The following FGD3 variants were observed in gnomAD, a reference collection of about 807,000 sequenced individuals.
The protein encoded by FGD3 is FYVE, RhoGEF and PH domain-containing protein 3.
FGD3 carries 45 observed loss-of-function variants against 71.8 expected under a neutral mutation model. The observed-to-expected ratio is 0.63, with a 90% CI of 0.49 to 0.80. The LOEUF is 0.80. Among genes scored for constraint, FGD3 ranks in the 30% least tolerant of loss-of-function variants. The pLI, the probability that FGD3 is intolerant of heterozygous loss-of-function variation, is 0.00. For missense variants in FGD3, 844 were observed against 951.5 expected, an observed-to-expected ratio of 0.89 and a Z score of 1.49; for synonymous variants, 378 against 392.8, an observed-to-expected ratio of 0.96 and a Z score of 0.44.
chr9:92,962,935 G>A (rs1250706743), intron 1 of FGD3, among the ~76,000 whole-genome samples: 6 of 117,984 alleles, frequency 5.1e-5, no homozygotes, highest in South Asian at 2.4e-4. Flanking sequence ...GTGAGGCTCC[G>A]TCTCAAAAAA....
Position 93,013,986 on chromosome 9 carries a change from C to T in FGD3, c.1170C>T (p.Arg390=), listed in dbSNP as rs778059350. 2 of 1,606,950 alleles carry T rather than the reference C, an allele frequency of 1.2e-6. No individual in the cohort carries two copies. Residue 390 remains arginine, a synonymous_variant, in exon 9 of 18, where the codon CGC becomes CGT. Coordinates refer to ENST00000375482, the MANE Select transcript of FGD3 (RefSeq NM_001083536.2). The part of the protein sequence containing the change: ...LSAKNGTPQD[R]HLFLFNSMIL... ...CCAAGAACGGCACCCCCCAGGACCG[C>T]CACCTCTTCCTGGTGAGCCTGGCCC...
At chr9:92,999,085 G>T (rs1415091123) in intron 3 of FGD3, among the ~76,000 whole-genome samples, 1 of 152,198 alleles carries the variant, frequency 6.6e-6, no homozygotes, top group Non-Finnish European at 1.5e-5. Flanking sequence ...AGTCTACAGA[G>T]GCAGGCAGGC....
intron 1 of FGD3, among the ~76,000 whole-genome samples, chr9:92,953,300 G>C (rs567517831): frequency 2.0e-5 from 3 of 152,264 alleles, no homozygotes; most frequent in African/African-American, 7.2e-5. Flanking sequence ...TTAAGGATAA[G>C]AAACAATCGC....
chr9:92,947,793 T>G (rs1858883371), intron 1 of FGD3, 64 bp downstream of exon 1: 1 of 152,484 alleles, frequency 6.6e-6, no homozygotes, highest in Admixed American at 6.5e-5. Context: ...TGAGATCCTG[T>G]GTGGGCTCAT....
chr9:93,001,931 C>T (rs1215291017), intron 3 of FGD3, among the ~76,000 whole-genome samples: 1 of 152,196 alleles, frequency 6.6e-6, no homozygotes, highest in Non-Finnish European at 1.5e-5. Context: ...TGCTCTTCCA[C>T]CATGTGAAGA....
At position 93,035,817 on chromosome 9, in the gene FGD3, C is replaced by A. The variant is rs1281479371; in HGVS notation, c.*228C>A. On this transcript the variant is annotated 3_prime_UTR_variant, in exon 18 of 18. Coordinates refer to ENST00000375482, the MANE Select transcript of FGD3 (RefSeq NM_001083536.2). ...CTAAGAGCCTGGCCTCCAGCCCCAG[C>A]AGTGTGGCCCAGAGCAGGGGCCGAC... 1 of 567,666 alleles carries A rather than the reference C, an allele frequency of 1.8e-6. No homozygotes were observed. Among genetic ancestry groups the A allele is most frequent in the Non-Finnish European group, 3.0e-6 (1 of 338,386 alleles). 35.2% of individuals were successfully genotyped at this position (567,666 alleles called of 1,614,324 possible).
At chr9:92,973,955 C>A (rs1249964930) in intron 1 of FGD3, among the ~76,000 whole-genome samples, 1 of 152,208 alleles carries the variant, frequency 6.6e-6, no homozygotes, top group Non-Finnish European at 1.5e-5. Flanking sequence ...GCTTCCCTTC[C>A]CTGATCCATG....
intron 1 of FGD3, among the ~76,000 whole-genome samples, chr9:92,971,200 A>G (rs1193048745): frequency 6.6e-6 from 1 of 152,202 alleles, no homozygotes; most frequent in East Asian, 1.9e-4. Flanking sequence ...ATTGGGGGGT[A>G]CCGACAGGAT....
At chr9:93,032,697 C>T in intron 15 of FGD3, 72 bp from the exon 16 acceptor site, 1 of 1,432,100 alleles carries the variant, frequency 7.0e-7, no homozygotes, top group Non-Finnish European at 9.8e-7. Context: ...GCCCACTCTA[C>T]CTCCTCTGGC....
intron 1 of FGD3, among the ~76,000 whole-genome samples, chr9:92,972,163 A>T (rs890126968): frequency 3.3e-5 from 5 of 151,916 alleles, no homozygotes; most frequent in African/African-American, 1.2e-4. Flanking sequence ...GGTCTGAAAG[A>T]TCTGGCTGGA....
At chr9:92,996,239 C>A (rs1359552392) in intron 3 of FGD3, among the ~76,000 whole-genome samples, 1 of 152,170 alleles carries the variant, frequency 6.6e-6, no homozygotes, top group Non-Finnish European at 1.5e-5. Context: ...TTATCCATTT[C>A]TTCTAGATTT....
Position 93,011,287 on chromosome 9 carries a change from C to A in FGD3, c.1035+15C>A. 6.2e-7 allele frequency: 1 copy of A among 1,614,084 alleles called. No individual in the cohort carries two copies. The highest frequency in any genetic ancestry group is 8.5e-7 in the Non-Finnish European group (1 of 1,179,970). ...TTCGGAAAGTGGTGAGTGTGGGGCT[C>A]CAGTGGCGACCGGCAGGGTGGTGCA... is the stretch of plus-strand genomic sequence containing the variant. On this transcript the variant is annotated intron_variant, in intron 8 of 17. Transcript: ENST00000375482.
At position 93,004,145 on chromosome 9, in the gene FGD3, C is replaced by G; in HGVS notation, c.680+8C>G. 6.2e-7 allele frequency: 1 copy of G among 1,613,280 alleles called. No homozygotes were observed. The highest frequency in any genetic ancestry group is 1.1e-5 in the South Asian group (1 of 91,086). ...GCGGATCACGGAGGAGTGGTGAGTACCATCTGCGCATGCCCATGGGGCCCC... is the reference window on the plus strand; with the variant it reads ...GCGGATCACGGAGGAGTGGTGAGTAGCATCTGCGCATGCCCATGGGGCCCC... On this transcript the variant is annotated splice_region_variant and intron_variant, in intron 5 of 17. Coordinates refer to ENST00000375482, the MANE Select transcript of FGD3 (RefSeq NM_001083536.2).
intron 3 of FGD3, among the ~76,000 whole-genome samples, chr9:93,001,568 T>G (rs2118690821): frequency 6.6e-6 from 1 of 152,340 alleles, no homozygotes; most frequent in Non-Finnish European, 1.5e-5. Flanking sequence ...TTGACTTGTC[T>G]CAGATTCCGT....
chr9:92,975,676 CA>C (rs1859718323), intron 2 of FGD3, among the ~76,000 whole-genome samples: 1 of 152,114 alleles, frequency 6.6e-6, no homozygotes, highest in Non-Finnish European at 1.5e-5. Flanking sequence ...CATCCTCTGG[CA>C]AGACGCACCT....
intron 14 of FGD3, among the ~76,000 whole-genome samples, chr9:93,023,558 G>T (rs1564169152): frequency 2.0e-5 from 3 of 152,126 alleles, no homozygotes; most frequent in African/African-American, 7.2e-5. Context: ...CAGCTTGGGG[G>T]AAAGTGGTGC....
At chr9:92,957,518 T>G (rs562110006) in intron 1 of FGD3, among the ~76,000 whole-genome samples, 1 of 152,280 alleles carries the variant, frequency 6.6e-6, no homozygotes, top group Admixed American at 6.5e-5. Context: ...CAAGTATATG[T>G]TCCAGTTTTT....
intron 13 of FGD3, 124 bp from the exon 14 acceptor site, chr9:93,022,203 A>T (rs10821054): frequency 0.57 from 526,244 of 920,446 alleles, 154,594 homozygotes; most frequent in African/African-American, 0.88. Context: ...GGCCTGGGAA[A>T]TCCTGCTCCC....
At chr9:92,962,824 C>T (rs1373729539) in intron 1 of FGD3, among the ~76,000 whole-genome samples, 2 of 151,722 alleles carry the variant, frequency 1.3e-5, no homozygotes, top group Admixed American at 6.6e-5. Context: ...ACCTATAATC[C>T]CAGCTACTTG....
Sources: allele counts gnomAD v4.1 joint callset (sites outside exome capture counted in the v4.1 genomes callset), GRCh38; gene constraint gnomAD v4.1.1; transcripts MANE v1.5; gene names NCBI Gene and HGNC (gene_info 2026-07-23, HGNC 2026-07-21).